Variants in ALB observed in about 807,000 individuals in gnomAD.
The protein encoded by ALB is serum albumin.
Under a neutral mutation model 74.5 loss-of-function variants are expected in ALB, and 37 were observed. The observed-to-expected ratio is 0.50, with a 90% CI of 0.38 to 0.65. The LOEUF is 0.65. ALB is among the 30% of genes least tolerant of loss of function. The pLI is 0.00. For missense variants in ALB, 685 were observed against 718.7 expected (o/e 0.95, Z 0.54); for synonymous variants, 249 against 251.6 (o/e 0.99, Z 0.10).
intron 7 of ALB, 31 bp from the exon 8 acceptor site, chr4:73,413,389 T>C: frequency 6.4e-7 from 1 of 1,572,746 alleles, no homozygotes; most frequent in Non-Finnish European, 8.8e-7. Flanking sequence ...TGTCAATTCG[T>C]GTTGAACAAT....
At chr4:73,414,991 G>A (rs757825593) in intron 8 of ALB, 44 bp from the exon 9 acceptor site, 1 of 1,605,320 alleles carries the variant, frequency 6.2e-7, no homozygotes, top group South Asian at 1.1e-5. Flanking sequence ...TATTTTTTGT[G>A]CTCATTTGTC....
intron 10 of ALB, among the ~76,000 whole-genome samples, chr4:73,417,065 G>A (rs1719030499): frequency 6.6e-6 from 1 of 152,122 alleles, no homozygotes; most frequent in South Asian, 2.1e-4. Flanking sequence ...TTTTAATGGT[G>A]ACTGGCATTC....
At chr4:73,414,924 G>T in intron 8 of ALB, 111 bp from the exon 9 acceptor site, 1 of 1,359,244 alleles carries the variant, frequency 7.4e-7, no homozygotes, top group Non-Finnish European at 1.0e-6. Context: ...TACTGCATGG[G>T]GTTTAGTCAA....
At chr4:73,404,598 A>AT (rs1718672883) in intron 1 of ALB, among the ~76,000 whole-genome samples, 192 bp downstream of exon 1, 1 of 151,914 alleles carries the variant, frequency 6.6e-6, no homozygotes. Context: ...AAAAAAAAAA[A>AT]GGTCAGAATT....
intron 1 of ALB, 130 bp downstream of exon 1, chr4:73,404,536 T>C (rs1718671078): frequency 5.1e-6 from 4 of 779,732 alleles, no homozygotes; most frequent in Non-Finnish European, 8.7e-6. Flanking sequence ...ATTTTGTATT[T>C]GTGAAGTCTT....
chr4:73,419,799 T>C (rs758496123), intron 13 of ALB, among the ~76,000 whole-genome samples, 160 bp downstream of exon 13: 2 of 152,212 alleles, frequency 1.3e-5, no homozygotes, highest in Non-Finnish European at 2.9e-5. Context: ...AAACAGCACT[T>C]TGTTTTTATC....
At position 73,405,154 on chromosome 4, in the gene ALB, G is replaced by A; in HGVS notation, c.118G>A (p.Glu40Lys). The change falls in exon 2 of 15, where the codon GAA (glutamate) becomes AAA (lysine). Residue 40 changes from glutamate to lysine, a missense_variant. By Grantham distance (56) the Glu-to-Lys change is moderately conservative (BLOSUM62 1). Coordinates refer to ENST00000295897, the MANE Select transcript of ALB (RefSeq NM_000477.7). ...TGCTCATCGGTTTAAAGATTTGGGA[G>A]AAGAAAATTTCAAAGCCTTGTAAGT... ...EVAHRFKDLG[E>K]ENFKALVLIA... 1.2e-6 allele frequency: 2 copies of A among 1,613,512 alleles called. No individual in the cohort carries two copies. The highest frequency in any genetic ancestry group is 2.2e-5 in the East Asian group (1 of 44,818).
At chr4:73,404,776 A>G in intron 1 of ALB, 1 of 347,284 alleles carries the variant, frequency 2.9e-6, no homozygotes, top group Non-Finnish European at 5.3e-6. Flanking sequence ...TGTTGATCTC[A>G]TAAATAGAAC....
rs981172845 is a variant in ALB, at chr4:73,413,521, C to A, written c.945C>A (p.Ala315=). Residue 315 remains alanine (A), a synonymous_variant, in exon 8 of 15, where the codon GCC becomes GCA. Transcript: ENST00000295897. ...TGTTGGAAAAATCCCACTGCATTGC[C>A]GAAGTGGAAAATGATGAGATGCCTG... ...KPLLEKSHCI[A]EVENDEMPAD... 6 of 1,613,952 alleles carry A rather than the reference C, an allele frequency of 3.7e-6. No homozygotes were observed. The Admixed American group carries it at 1.0e-4, about 27-fold the overall frequency.
At chr4:73,405,535 T>A (rs1246547207) in intron 2 of ALB, among the ~76,000 whole-genome samples, 1 of 152,188 alleles carries the variant, frequency 6.6e-6, no homozygotes, top group Admixed American at 6.5e-5. Flanking sequence ...CTTTGGTGGC[T>A]TACCCACTAA....
chr4:73,409,587 T>C (rs1474864393), intron 5 of ALB, 100 bp downstream of exon 5: 1 of 1,431,010 alleles, frequency 7.0e-7, no homozygotes, highest in East Asian at 2.3e-5. Flanking sequence ...ATACAAACTT[T>C]CCGACATGGT....
At chr4:73,417,062 G>A (rs964491805) in intron 10 of ALB, among the ~76,000 whole-genome samples, 1 of 152,084 alleles carries the variant, frequency 6.6e-6, no homozygotes, top group Non-Finnish European at 1.5e-5. Context: ...GACTTTTAAT[G>A]GTGACTGGCA....
At chr4:73,412,971 C>T (rs1718918907) in intron 7 of ALB, among the ~76,000 whole-genome samples, 1 of 152,160 alleles carries the variant, frequency 6.6e-6, no homozygotes, top group South Asian at 2.1e-4. Flanking sequence ...CCTAATCTCT[C>T]ATGGCACTTT....
rs1306262646 is a variant in ALB, at chr4:73,413,575, T to C, written c.999T>C (p.Phe333=). ...ACTTGCCTTCATTAGCTGCTGATTT[T>C]GTTGAAAGTAAGGATGTTTGCAAAA... is the stretch of plus-strand genomic sequence containing the variant. ...PADLPSLAAD[F]VESKDVCKNY... is the part of the protein sequence containing the mutation. The change falls in exon 8 of 15, where the codon TTT becomes TTC. Residue 333 remains phenylalanine (F), a synonymous_variant. Coordinates refer to ENST00000295897, the MANE Select transcript of ALB (RefSeq NM_000477.7). 6.2e-7 allele frequency: 1 copy of C among 1,614,088 alleles called. No individual in the cohort carries two copies. Among genetic ancestry groups the C allele is most frequent in the Non-Finnish European group, 8.5e-7 (1 of 1,180,030 alleles).
chr4:73,405,948 A>C (rs887329327), intron 2 of ALB, among the ~76,000 whole-genome samples: 2 of 151,996 alleles, frequency 1.3e-5, no homozygotes, highest in Admixed American at 6.5e-5. Context: ...AAGTCTACCT[A>C]ATCCTACAGG....
intron 6 of ALB, among the ~76,000 whole-genome samples, chr4:73,410,923 A>T (rs1718859198): frequency 6.6e-6 from 1 of 152,156 alleles, no homozygotes; most frequent in African/African-American, 2.4e-5. Context: ...CTTATAGTTA[A>T]ATTCAGTCAC....
intron 9 of ALB, chr4:73,415,419 A>G (rs555104501): frequency 2.4e-5 from 11 of 453,978 alleles, no homozygotes; most frequent in African/African-American, 2.1e-4. Context: ...TCTCTTTTTC[A>G]CAATCCTGAG....
At chr4:73,416,696 AG>A (rs1339173006) in intron 10 of ALB, among the ~76,000 whole-genome samples, 1 of 152,220 alleles carries the variant, frequency 6.6e-6, no homozygotes, top group Non-Finnish European at 1.5e-5. Context: ...AGCAAGTAGT[AG>A]GCCTTGAATA....
At chr4:73,414,550 G>A (rs138683929) in intron 8 of ALB, among the ~76,000 whole-genome samples, 269 of 152,112 alleles carry the variant, frequency 1.8e-3, no homozygotes, top group African/African-American at 6.0e-3. Context: ...CACAACCTCC[G>A]CCTCCCAGGT....
Sources: allele counts gnomAD v4.1 joint callset (sites outside exome capture counted in the v4.1 genomes callset), GRCh38; gene constraint gnomAD v4.1.1; transcripts MANE v1.5; gene names NCBI Gene and HGNC (gene_info 2026-07-23, HGNC 2026-07-21).